Variants in IKZF2 observed in about 807,000 individuals in gnomAD.
IKZF2 encodes the protein IKAROS family zinc finger 2, also known as zinc finger protein Helios.
In IKZF2, 15 loss-of-function variants were observed where a neutral mutation model predicts 49.2. The observed-to-expected ratio is 0.30, with a 90% CI of 0.20 to 0.47. The LOEUF (loss-of-function observed/expected upper bound fraction) is 0.47. IKZF2 is among the 20% of genes least tolerant of loss of function. The pLI is 1.00. For missense variants in IKZF2, 567 were observed against 664.6 expected (o/e 0.85, Z 1.61); for synonymous variants, 227 against 221.4 (o/e 1.03, Z -0.23).
At chr2:213,122,722 T>G (rs1179821335) in intron 4 of IKZF2, among the ~76,000 whole-genome samples, 1 of 152,220 alleles carries the variant, frequency 6.6e-6, no homozygotes, top group Admixed American at 6.5e-5. Context: ...GTGATTCTCC[T>G]ACTTAAATAA....
At chr2:213,112,029 TA>T (rs1559288785) in intron 4 of IKZF2, among the ~76,000 whole-genome samples, 1 of 152,078 alleles carries the variant, frequency 6.6e-6, no homozygotes, top group Non-Finnish European at 1.5e-5. Flanking sequence ...CTTAAAGCAA[TA>T]AAAAATTACC....
chr2:213,013,054 G>A (rs758434343), intron 8 of IKZF2, among the ~76,000 whole-genome samples: 1 of 151,760 alleles, frequency 6.6e-6, no homozygotes, highest in Non-Finnish European at 1.5e-5. Flanking sequence ...AATATCTAAG[G>A]GTTCGGAAAT....
chr2:213,027,446 C>T (rs1441242643), intron 6 of IKZF2, among the ~76,000 whole-genome samples: 1 of 152,116 alleles, frequency 6.6e-6, no homozygotes, highest in African/African-American at 2.4e-5. Context: ...TTACCCCTTC[C>T]TCTGAGGTTC....
At chr2:213,009,850 C>T (rs1289632330) in intron 8 of IKZF2, among the ~76,000 whole-genome samples, 1 of 151,944 alleles carries the variant, frequency 6.6e-6, no homozygotes, top group African/African-American at 2.4e-5. Context: ...AGTGAAGAAA[C>T]ATGAGGTGGA....
At chr2:213,135,649 T>C (rs991900472) in intron 4 of IKZF2, among the ~76,000 whole-genome samples, 1 of 147,602 alleles carries the variant, frequency 6.8e-6, no homozygotes, top group African/African-American at 2.5e-5. Context: ...CGTGACACCG[T>C]ACTCCAGCCT....
chr2:213,152,398 G>A (rs888052805), upstream of IKZF2: 2 of 152,254 alleles, frequency 1.3e-5, no homozygotes, highest in African/African-American at 2.4e-5. Flanking sequence ...GAGGGGTCCT[G>A]GGGAATAGAC....
At chr2:213,096,836 C>T (rs994369765) in intron 4 of IKZF2, among the ~76,000 whole-genome samples, 1 of 151,882 alleles carries the variant, frequency 6.6e-6, no homozygotes, top group Non-Finnish European at 1.5e-5. Flanking sequence ...ACAACATTAC[C>T]AATGTAATGC....
At chr2:213,050,324 G>C (rs1179165074) in intron 5 of IKZF2, among the ~76,000 whole-genome samples, 3 of 152,178 alleles carry the variant, frequency 2.0e-5, no homozygotes, top group South Asian at 4.1e-4. Context: ...GAGCTAGAAA[G>C]TAGTCAAGGT....
intron 4 of IKZF2, among the ~76,000 whole-genome samples, chr2:213,115,666 C>T (rs1232158955): frequency 6.6e-6 from 1 of 152,198 alleles, no homozygotes; most frequent in Non-Finnish European, 1.5e-5. Context: ...AAAGGCAATG[C>T]ATGACTCAAA....
chr2:213,124,935 TAAA>T (rs1362680083), intron 4 of IKZF2, among the ~76,000 whole-genome samples: 1 of 152,238 alleles, frequency 6.6e-6, no homozygotes, highest in Non-Finnish European at 1.5e-5. Context: ...AATTTTTAAG[TAAA>T]GGTTTATTTT....
At chr2:213,060,838 T>C (rs1701611808) in intron 4 of IKZF2, among the ~76,000 whole-genome samples, 2 of 151,442 alleles carry the variant, frequency 1.3e-5, no homozygotes, top group Admixed American at 6.6e-5. Flanking sequence ...CATATTTTAG[T>C]AGACTCAGGT....
At chr2:213,146,887 T>C (rs891295804) in intron 4 of IKZF2, among the ~76,000 whole-genome samples, 3 of 151,884 alleles carry the variant, frequency 2.0e-5, no homozygotes, top group African/African-American at 7.2e-5. Flanking sequence ...AATATAAATC[T>C]AAAGTATAAA....
At chr2:213,100,075 A>G (rs1706477553) in intron 4 of IKZF2, among the ~76,000 whole-genome samples, 1 of 152,156 alleles carries the variant, frequency 6.6e-6, no homozygotes, top group African/African-American at 2.4e-5. Flanking sequence ...CACTAAGCAC[A>G]TGGATAACTC....
Position 213,145,594 on chromosome 2 carries a change from T to TAGA in IKZF2, c.139+2113_139+2114insTCT, listed in dbSNP as rs143346037. Among the ~76,000 whole-genome samples, 172 of 152,138 alleles carry TAGA rather than the reference T, an allele frequency of 1.1e-3. 1 individual carries two copies. The East Asian group carries it at 0.017, about 15-fold the overall frequency. On this transcript the variant is annotated intron_variant, in intron 4 of 8. Transcript: ENST00000434687. ...AGACGAGAGTTCCTCTCTATCACTA[T>TAGA]TTGCTTTGGCAATCTAAAATGCTGA...
intron 4 of IKZF2, among the ~76,000 whole-genome samples, chr2:213,114,207 T>C (rs571390535): frequency 1.3e-5 from 2 of 152,294 alleles, no homozygotes; most frequent in East Asian, 3.9e-4. Context: ...CAAATCTTCC[T>C]CTATAATAAA....
chr2:213,142,761 A>C (rs1431058495), intron 4 of IKZF2, among the ~76,000 whole-genome samples: 1 of 151,986 alleles, frequency 6.6e-6, no homozygotes, highest in Non-Finnish European at 1.5e-5. Flanking sequence ...TTTAAGTGTT[A>C]TAAAATAGAG....
intron 4 of IKZF2, among the ~76,000 whole-genome samples, chr2:213,066,227 C>G (rs547893105): frequency 9.2e-5 from 14 of 152,212 alleles, no homozygotes; most frequent in African/African-American, 3.1e-4. Flanking sequence ...CCAGAGGTCA[C>G]TAAGGACGCT....
At chr2:213,092,100 A>C (rs553122216) in intron 4 of IKZF2, among the ~76,000 whole-genome samples, 228 of 152,232 alleles carry the variant, frequency 1.5e-3, no homozygotes, top group Non-Finnish European at 2.7e-3. Context: ...ATCAAGGCTC[A>C]CTGCAGCATC....
chr2:213,129,170 C>T (rs192912923), intron 4 of IKZF2, among the ~76,000 whole-genome samples: 2 of 151,638 alleles, frequency 1.3e-5, no homozygotes, highest in African/African-American at 4.8e-5. Context: ...CATTCCTGGC[C>T]CTACTACATG....
Sources: allele counts gnomAD v4.1 joint callset (sites outside exome capture counted in the v4.1 genomes callset), GRCh38; gene constraint gnomAD v4.1.1; transcripts MANE v1.5; gene names NCBI Gene and HGNC (gene_info 2026-07-23, HGNC 2026-07-21).